Variants in COP1 observed in about 807,000 individuals in gnomAD.
The protein encoded by COP1 is COP1 E3 ubiquitin ligase, also known as E3 ubiquitin-protein ligase COP1.
In COP1, 24 loss-of-function variants were observed where a neutral mutation model predicts 101.3. The ratio of observed to expected loss-of-function variants is 0.24; its 90% CI spans 0.17 to 0.33. The LOEUF (loss-of-function observed/expected upper bound fraction) is 0.33, where lower values mean the gene tolerates loss of function less well. Ranked by LOEUF, COP1 falls within the 10% of genes least tolerant of loss-of-function variation. COP1 has a pLI of 1.00. For missense variants in COP1, 663 were observed against 906.2 expected (o/e 0.73, Z 3.45); for synonymous variants, 347 against 341.9 (o/e 1.01, Z -0.17).
intron 19 of COP1, among the ~76,000 whole-genome samples, chr1:175,945,641 G>C (rs903291242): frequency 2.0e-5 from 3 of 152,098 alleles, no homozygotes; most frequent in Non-Finnish European, 2.9e-5. Context: ...ATCATCTAGC[G>C]TCCAGATACT....
intron 5 of COP1, among the ~76,000 whole-genome samples, chr1:176,154,021 A>C (rs1027347869): frequency 2.6e-5 from 4 of 152,068 alleles, no homozygotes; most frequent in African/African-American, 9.7e-5. Context: ...TTTTGCATGG[A>C]TGTGAATCAG....
chr1:176,053,538 TTCC>T (rs1672932561), intron 11 of COP1, among the ~76,000 whole-genome samples: 2 of 152,334 alleles, frequency 1.3e-5, no homozygotes, highest in South Asian at 4.1e-4. Flanking sequence ...TTTTCTTGAC[TTCC>T]TCTTCTCCAA....
In COP1 at chr1:176,043,262, A is replaced by T; in HGVS notation, c.1536T>A (p.His512Gln). Residue 512 changes from histidine to glutamine, a missense_variant, in exon 14 of 20, where the codon CAT (histidine) becomes CAA (glutamine). Coordinates refer to ENST00000367669, the MANE Select transcript of COP1 (RefSeq NM_022457.7). ...TGQRSKVYQE[H>Q]EKRCWSVDFN... ...AGTCAACACTCCAACACCTCTTCTC[A>T]TGCTCCTGGAAGCAGAAAGAAGACA... The T allele has an allele frequency of 6.2e-7, 1 of 1,605,984 alleles. No individual in the cohort carries two copies. The highest frequency in any genetic ancestry group is 8.5e-7 in the Non-Finnish European group (1 of 1,172,814).
At chr1:176,148,852 G>T (rs979139630) in intron 6 of COP1, among the ~76,000 whole-genome samples, 154 bp downstream of exon 6, 4 of 151,948 alleles carry the variant, frequency 2.6e-5, no homozygotes, top group Admixed American at 2.0e-4. Context: ...AAAGAGAAAA[G>T]AAGTTAAAAT....
At chr1:176,026,050 A>G (rs1045330791) in intron 15 of COP1, among the ~76,000 whole-genome samples, 1 of 152,150 alleles carries the variant, frequency 6.6e-6, no homozygotes, top group Non-Finnish European at 1.5e-5. Flanking sequence ...TTGGAAAACT[A>G]TAAATCTTAA....
At chr1:176,149,644 C>T (rs946200760) in intron 5 of COP1, among the ~76,000 whole-genome samples, 3 of 151,890 alleles carry the variant, frequency 2.0e-5, no homozygotes, top group Non-Finnish European at 4.4e-5. Context: ...GGACAGCTTG[C>T]GGGTAGGGAG....
chr1:175,986,059 G>T (rs796162471), intron 18 of COP1, among the ~76,000 whole-genome samples: 3 of 151,968 alleles, frequency 2.0e-5, no homozygotes, highest in Non-Finnish European at 2.9e-5. Flanking sequence ...TCACTCTGTC[G>T]CCCAGGCTGG....
intron 15 of COP1, among the ~76,000 whole-genome samples, chr1:176,001,649 T>C (rs898865868): frequency 5.3e-5 from 8 of 152,118 alleles, no homozygotes; most frequent in Admixed American, 1.3e-4. Flanking sequence ...AAAAAATTCA[T>C]CTAAACTATC....
intron 3 of COP1, among the ~76,000 whole-genome samples, chr1:176,167,406 CTGAATGAATGAATGAA>C (rs58699487): frequency 7.9e-5 from 12 of 150,966 alleles, no homozygotes; most frequent in East Asian, 3.9e-4. Flanking sequence ...CTGGTATTTG[CTGAATGAATGAATGAA>C]TGAATGAATG....
At chr1:176,089,720 G>A (rs1325325172) in intron 9 of COP1, among the ~76,000 whole-genome samples, 2 of 152,158 alleles carry the variant, frequency 1.3e-5, no homozygotes, top group African/African-American at 4.8e-5. Context: ...TAAGGAGACT[G>A]CAGTCATGCC....
At chr1:176,116,447 C>A (rs1220331789) in intron 9 of COP1, among the ~76,000 whole-genome samples, 177 bp downstream of exon 9, 1 of 152,164 alleles carries the variant, frequency 6.6e-6, no homozygotes, top group African/African-American at 2.4e-5. Context: ...ATTGAAAAAG[C>A]AAATATTAAT....
At chr1:176,206,348 C>A (rs1700849781) in intron 1 of COP1, 1 of 552,316 alleles carries the variant, frequency 1.8e-6, no homozygotes, top group Non-Finnish European at 3.2e-6. Context: ...CACTTACCTA[C>A]CTCTTTATTA....
At chr1:176,178,477 C>T (rs765792536) in intron 2 of COP1, among the ~76,000 whole-genome samples, 14 of 151,858 alleles carry the variant, frequency 9.2e-5, no homozygotes, top group East Asian at 1.9e-4. Flanking sequence ...AGGGACACAG[C>T]GAGACTCTGT....
chr1:176,206,540 A>T (rs745479899), intron 1 of COP1, 32 bp downstream of exon 1: 1 of 1,591,890 alleles, frequency 6.3e-7, no homozygotes, highest in South Asian at 1.1e-5. Flanking sequence ...CTCATAATTT[A>T]GGGACAAGGA....
At chr1:176,103,186 A>T (rs1326599478) in intron 9 of COP1, among the ~76,000 whole-genome samples, 1 of 152,172 alleles carries the variant, frequency 6.6e-6, no homozygotes, top group East Asian at 1.9e-4. Context: ...TTCCTGAGTG[A>T]TATCAGCATC....
intron 6 of COP1, among the ~76,000 whole-genome samples, chr1:176,140,413 AAAG>A (rs1690486233): frequency 1.3e-5 from 2 of 152,330 alleles, no homozygotes; most frequent in South Asian, 4.1e-4. Flanking sequence ...GAAATATTAA[AAAG>A]AAAAAAGTTT....
intron 6 of COP1, among the ~76,000 whole-genome samples, chr1:176,140,488 A>G (rs1339645491): frequency 6.6e-6 from 1 of 152,208 alleles, no homozygotes; most frequent in Non-Finnish European, 1.5e-5. Context: ...TTTTAAGATG[A>G]GAATTCTGAA....
rs192860537 is a variant in COP1, at chr1:175,996,277, C to A, written c.1730-6798G>T. ...ATAATAAGAGCTATCTATGACCAAC[C>A]CGCAGCCAATATCATACTGAATGGG... On this transcript the variant is annotated intron_variant, in intron 15 of 19. Transcript: ENST00000367669. Among the ~76,000 whole-genome samples, 953 of 152,340 alleles carry A rather than the reference C, an allele frequency of 6.3e-3. 4 individuals are homozygous for A. Among genetic ancestry groups the A allele is most frequent in the Non-Finnish European group, 0.01 (693 of 68,038 alleles).
At chr1:176,195,648 T>A (rs1699594609) in intron 1 of COP1, among the ~76,000 whole-genome samples, 1 of 151,924 alleles carries the variant, frequency 6.6e-6, no homozygotes, top group African/African-American at 2.4e-5. Context: ...ATGTCACAAA[T>A]CAGACATAGA....
Sources: gnomAD v4.1 joint callset for allele counts (sites outside exome capture counted in the v4.1 genomes callset) on GRCh38, gnomAD v4.1.1 for gene constraint, MANE v1.5 for transcripts, NCBI Gene and HGNC (gene_info 2026-07-23, HGNC 2026-07-21) for gene names.